Variants in ZNF101 observed in about 807,000 individuals in gnomAD.
The protein encoded by ZNF101 is zinc finger protein 101, also known as zinc finger protein 101 (Y2).
A neutral mutation model predicts 42.6 loss-of-function variants in ZNF101; 34 were observed. The ratio of observed to expected loss-of-function variants is 0.80; its 90% CI spans 0.61 to 1.06. The LOEUF (loss-of-function observed/expected upper bound fraction) is 1.06, where lower values mean the gene tolerates loss of function less well. ZNF101 is among the 50% of genes least tolerant of loss of function. ZNF101 has a pLI of 0.00. For missense variants in ZNF101, 466 were observed against 530.9 expected (o/e 0.88, Z 1.20); for synonymous variants, 158 against 183.9 (o/e 0.86, Z 1.14).
intron 1 of ZNF101, among the ~76,000 whole-genome samples, chr19:19,670,974 C>T (rs985477999): frequency 1.3e-5 from 2 of 152,152 alleles, no homozygotes; most frequent in East Asian, 1.9e-4. Context: ...GGCGTGGTGG[C>T]GAGCGCCTGT....
intron 1 of ZNF101, among the ~76,000 whole-genome samples, chr19:19,672,813 C>G (rs542086098): frequency 1.3e-5 from 2 of 151,898 alleles, no homozygotes; most frequent in Non-Finnish European, 2.9e-5. Context: ...AGGCATGAGC[C>G]ACTGTGACTG....
At chr19:19,673,785 AATTATT>A (rs35473462) in intron 1 of ZNF101, among the ~76,000 whole-genome samples, 55 of 142,412 alleles carry the variant, frequency 3.9e-4, no homozygotes, top group Non-Finnish European at 5.8e-4. Flanking sequence ...AGGCTTTTTA[AATTATT>A]ATTATTATTA....
intron 1 of ZNF101, among the ~76,000 whole-genome samples, chr19:19,671,224 C>T (rs2062167562): frequency 6.8e-6 from 1 of 146,412 alleles, no homozygotes; most frequent in Non-Finnish European, 1.5e-5. Flanking sequence ...TGGTGGATAA[C>T]TCTGTTCTGT....
chr19:19,669,048 G>C (rs910122567), intron 1 of ZNF101, 82 bp downstream of exon 1: 10 of 1,513,778 alleles, frequency 6.6e-6, no homozygotes, highest in Non-Finnish European at 8.9e-6. Flanking sequence ...GCCTCCCCGC[G>C]GCGACTGTGG....
intron 1 of ZNF101, 90 bp downstream of exon 1, chr19:19,669,056 T>C: frequency 1.3e-6 from 2 of 1,492,994 alleles, no homozygotes; most frequent in Admixed American, 2.0e-5. Context: ...GCGGCGACTG[T>C]GGGGGTCTGG....
chr19:19,673,008 G>A (rs181038391), intron 1 of ZNF101, among the ~76,000 whole-genome samples: 8 of 151,826 alleles, frequency 5.3e-5, no homozygotes, highest in Non-Finnish European at 8.8e-5. Flanking sequence ...GCAGTGGCAC[G>A]GTCTTGACTC....
chr19:19,682,495 A>G lies in ZNF101; in HGVS notation c.*2195A>G, dbSNP rs147612850. ...TTCAGCCTCGCAAAGTGCTGAGATT[A>G]TAGGCATGAGACACCTTGCCCGGCC... On this transcript the variant is annotated 3_prime_UTR_variant, in exon 4 of 4. Coordinates refer to ENST00000592502, the MANE Select transcript of ZNF101 (RefSeq NM_033204.4). The G allele has an allele frequency of 1.3e-5, 2 of 152,278 alleles. No homozygotes were observed. The highest frequency in any genetic ancestry group is 2.9e-5 in the Non-Finnish European group (2 of 68,034). 9.4% of individuals were successfully genotyped at this position (152,278 alleles called of 1,614,324 possible).
At position 19,680,050 on chromosome 19, in the gene ZNF101, G is replaced by A. The variant is rs758983961; in HGVS notation, c.1061G>A (p.Arg354Gln). The part of the protein sequence containing the change: ...GKTFNYPSCF[R>Q]RHKKTHSGEK... ...ACCTTCAATTATCCCAGTTGTTTTC[G>A]AAGACATAAAAAAACTCATAGTGGA... The change falls in exon 4 of 4, where the codon CGA becomes CAA. Residue 354 changes from arginine (R) to glutamine (Q), a missense_variant. Transcript: ENST00000592502. 4.3e-6 allele frequency: 7 copies of A among 1,613,850 alleles called. No homozygotes were observed. Among genetic ancestry groups the A allele is most frequent in the East Asian group, 4.5e-5 (2 of 44,860 alleles).
chr19:19,671,080 C>T (rs747509226), intron 1 of ZNF101, among the ~76,000 whole-genome samples: 1 of 152,152 alleles, frequency 6.6e-6, no homozygotes, highest in Non-Finnish European at 1.5e-5. Flanking sequence ...GCACTCCAGC[C>T]TGCGCGACAG....
In ZNF101 at chr19:19,669,753, G is replaced by C. The variant is rs376035929; in HGVS notation, c.3+787G>C. Among the ~76,000 whole-genome samples the C allele has an allele frequency of 1.3e-4, 20 of 152,256 alleles. No homozygotes were observed. The East Asian group carries it at 3.7e-3, about 28-fold the overall frequency. On this transcript the variant is annotated intron_variant, in intron 1 of 3. Coordinates refer to ENST00000592502, the MANE Select transcript of ZNF101 (RefSeq NM_033204.4). ...CTGCCTCGGTCTCCCAAAGTGCTGG[G>C]ATTACAGGCTTGAGCCACTGCGCCT...
rs748071497 is a variant in ZNF101, at chr19:19,679,351, T to TGAGA, written c.364_367dup (p.Ala123GlufsTer10). The TGAGA allele has an allele frequency of 6.2e-7, 1 of 1,613,892 alleles. No homozygotes were observed. The highest frequency in any genetic ancestry group is 2.2e-5 in the East Asian group (1 of 44,880). ...CGTCATTCATTCCTGGACAGGCACA[T>TGAGA]GAGAGCTCATGCTGGACACAAACGA... On this transcript the variant is annotated frameshift_variant, in exon 4 of 4. Transcript: ENST00000592502. LOFTEE classifies it high-confidence loss of function.
In ZNF101 at chr19:19,681,338, C is replaced by G. The variant is rs1035282540; in HGVS notation, c.*1038C>G. ...GGGGAAACTCTCATTGCTCTCATCT[C>G]CATTCAAAGACACGTGTCAGTGCAC... On this transcript the variant is annotated 3_prime_UTR_variant, in exon 4 of 4. Coordinates refer to ENST00000592502, the MANE Select transcript of ZNF101 (RefSeq NM_033204.4). 1 of 152,228 alleles carries G rather than the reference C, an allele frequency of 6.6e-6. No individual in the cohort carries two copies. The highest frequency in any genetic ancestry group is 2.4e-5 in the African/African-American group (1 of 41,440). The allele number at this position is 152,228 out of a possible 1,614,324, so 9.4% of individuals were successfully genotyped here.
At chr19:19,669,913 A>G (rs1213799227) in intron 1 of ZNF101, among the ~76,000 whole-genome samples, 1 of 148,514 alleles carries the variant, frequency 6.7e-6, no homozygotes, top group Non-Finnish European at 1.5e-5. Context: ...TCCGATGTTA[A>G]AAAAAAAAAA....
At chr19:19,673,027 C>G (rs972950113) in intron 1 of ZNF101, among the ~76,000 whole-genome samples, 3 of 152,040 alleles carry the variant, frequency 2.0e-5, no homozygotes, top group African/African-American at 7.2e-5. Context: ...TCACTGCAAC[C>G]TCCACTTCCT....
chr19:19,670,686 A>T (rs1016156437), intron 1 of ZNF101, among the ~76,000 whole-genome samples: 2 of 151,740 alleles, frequency 1.3e-5, no homozygotes, highest in Non-Finnish European at 2.9e-5. Flanking sequence ...GAACCCGGGG[A>T]GGTTGAGACT....
rs2062241369 is a variant in ZNF101, at chr19:19,681,827, A to G, written c.*1527A>G. The G allele has an allele frequency of 6.6e-6, 1 of 152,150 alleles. No homozygotes were observed. The highest frequency in any genetic ancestry group is 2.4e-5 in the African/African-American group (1 of 41,434). The allele number at this position is 152,150 out of a possible 1,614,324, so 9.4% of individuals were successfully genotyped here. ...AATTTTGAAAGCCTGATGCAAATTA[A>G]TTATTATATAATGCTCAAAAACTTA... On this transcript the variant is annotated 3_prime_UTR_variant, in exon 4 of 4. Transcript: ENST00000592502.
upstream of ZNF101, chr19:19,668,812 A>C: frequency 7.2e-6 from 7 of 967,242 alleles, no homozygotes; most frequent in Non-Finnish European, 1.0e-5. Context: ...CAAAGCCCGA[A>C]GCGGTCTCAT....
intron 1 of ZNF101, among the ~76,000 whole-genome samples, chr19:19,674,146 T>G (rs1281060299): frequency 6.6e-6 from 1 of 152,082 alleles, no homozygotes; most frequent in Non-Finnish European, 1.5e-5. Flanking sequence ...AATTTCTTTT[T>G]CACATTATTC....
chr19:19,677,573 A>G (rs2062209645), intron 1 of ZNF101: 1 of 286,946 alleles, frequency 3.5e-6, no homozygotes, highest in African/African-American at 2.2e-5. Flanking sequence ...TGTGACAGGT[A>G]CTAGAGATTC....
Sources: gnomAD v4.1 joint callset for allele counts (sites outside exome capture counted in the v4.1 genomes callset) on GRCh38, gnomAD v4.1.1 for gene constraint, MANE v1.5 for transcripts, NCBI Gene and HGNC (gene_info 2026-07-23, HGNC 2026-07-21) for gene names.